The following DNAH17 variants were observed in gnomAD, a reference collection of about 807,000 sequenced individuals.
DNAH17 encodes the protein dynein axonemal heavy chain 17.
A neutral mutation model predicts 485.6 loss-of-function variants in DNAH17; 376 were observed. The observed-to-expected ratio is 0.77, with a 90% CI of 0.71 to 0.84. The LOEUF (loss-of-function observed/expected upper bound fraction) is 0.84. DNAH17 is among the 40% of genes least tolerant of loss of function. DNAH17 has a pLI of 0.00. For synonymous variants in DNAH17, 3,031 were observed against 2,405.9 expected, an observed-to-expected ratio of 1.26 and a Z score of -7.60; for missense variants, 6,370 against 5,839.3, an observed-to-expected ratio of 1.09 and a Z score of -2.96.
intron 47 of DNAH17, chr17:78,485,298 C>T (rs749766115): frequency 4.0e-5 from 25 of 618,472 alleles, no homozygotes; most frequent in South Asian, 1.4e-4. Context: ...GAGACACTCC[C>T]GGGGGACCTG....
Position 78,423,823 on chromosome 17 carries a change from T to TAA in DNAH17, c.*81_*82dup. ...AACGAAAAACCACCACCAGTTCCTG[T>TAA]AAAGAATAAGTCACAGGTGCACAGG... On this transcript the variant is annotated 3_prime_UTR_variant, in exon 81 of 81. Coordinates refer to ENST00000389840, the MANE Select transcript of DNAH17 (RefSeq NM_173628.4). 6.5e-7 allele frequency: 1 copy of TAA among 1,528,092 alleles called. No individual in the cohort carries two copies. The highest frequency in any genetic ancestry group is 8.9e-7 in the Non-Finnish European group (1 of 1,122,982). 94.7% of individuals were successfully genotyped at this position (1,528,092 alleles called of 1,614,324 possible).
At chr17:78,474,829 G>A (rs1019068529) in intron 54 of DNAH17, among the ~76,000 whole-genome samples, 15 of 151,698 alleles carry the variant, frequency 9.9e-5, no homozygotes, top group African/African-American at 3.6e-4. Flanking sequence ...CTGGCCGGAA[G>A]GTTTCACTCT....
At chr17:78,548,097 T>C (rs1038940818) in intron 16 of DNAH17, among the ~76,000 whole-genome samples, 2 of 152,220 alleles carry the variant, frequency 1.3e-5, no homozygotes. Context: ...ATTTTAATTC[T>C]GCTTTTGCAG....
chr17:78,556,167 T>A (rs914298648), intron 14 of DNAH17, among the ~76,000 whole-genome samples: 23 of 149,670 alleles, frequency 1.5e-4, no homozygotes, highest in Non-Finnish European at 4.5e-5. Flanking sequence ...TCCACCTATA[T>A]AATCTATCCA....
chr17:78,514,726 A>G (rs2090733993), intron 26 of DNAH17, 48 bp downstream of exon 26: 1 of 1,591,072 alleles, frequency 6.3e-7, no homozygotes, highest in African/African-American at 1.3e-5. Flanking sequence ...CCTGCAGCAG[A>G]GCTGGCCGCC....
chr17:78,431,325 T>C (rs2086662939), intron 75 of DNAH17, among the ~76,000 whole-genome samples: 1 of 152,212 alleles, frequency 6.6e-6, no homozygotes, highest in African/African-American at 2.4e-5. Context: ...CGTCTGTGTC[T>C]CCCGAGAGGC....
Position 78,566,720 on chromosome 17 carries a change from C to A in DNAH17, c.1463G>T (p.Arg488Leu), listed in dbSNP as rs112807670. The change falls in exon 11 of 81, where the codon CGT (arginine) becomes CTT (leucine). Residue 488 changes from arginine (R) to leucine (L), a missense_variant. Arg to Leu is a moderately radical substitution (Grantham distance 102, BLOSUM62 -2). Coordinates refer to ENST00000389840, the MANE Select transcript of DNAH17 (RefSeq NM_173628.4). ...PLDPGDSNFD[R>L]DYADFEIKIQ... ...TTTGATCTCAAAATCAGCATAATCA[C>A]GGTCAAAATTCTAAAAGCAAATGGA... 6.2e-7 allele frequency: 1 copy of A among 1,601,660 alleles called. No individual in the cohort carries two copies. The highest frequency in any genetic ancestry group is 8.5e-7 in the Non-Finnish European group (1 of 1,173,762).
intron 22 of DNAH17, among the ~76,000 whole-genome samples, chr17:78,527,421 C>T (rs920252869): frequency 3.3e-5 from 5 of 152,068 alleles, no homozygotes; most frequent in South Asian, 2.1e-4. Context: ...TCCTTAATGG[C>T]GAACTAGGAC....
chr17:78,535,607 A>G (rs529038556), intron 19 of DNAH17, among the ~76,000 whole-genome samples: 43 of 152,306 alleles, frequency 2.8e-4, no homozygotes, highest in African/African-American at 1.0e-3. Context: ...ATGTTATGAC[A>G]AATCATACGT....
intron 16 of DNAH17, among the ~76,000 whole-genome samples, chr17:78,551,049 T>A (rs867533725): frequency 3.3e-5 from 5 of 152,142 alleles, no homozygotes; most frequent in Admixed American, 2.0e-4. Context: ...TGAAACCTCA[T>A]CTCCACTAAA....
At chr17:78,433,941 G>GAGGGAGGGAAGGAGGGAGGGAAGA in intron 75 of DNAH17, 88 bp downstream of exon 75, 1 of 945,638 alleles carries the variant, frequency 1.1e-6, no homozygotes, top group Non-Finnish European at 1.5e-6. Flanking sequence ...GGGAGGGAAG[G>GAGGGAGGGAAGGAGGGAGGGAAGA]AGGGAGGGAA....
intron 37 of DNAH17, among the ~76,000 whole-genome samples, chr17:78,497,488 C>T (rs555016111): frequency 7.2e-5 from 11 of 152,274 alleles, no homozygotes; most frequent in Admixed American, 1.3e-4. Context: ...CATTGGAGCC[C>T]GTGAACATTC....
chr17:78,529,446 C>T (rs377536024), intron 22 of DNAH17, 26 bp downstream of exon 22: 124 of 1,610,082 alleles, frequency 7.7e-5, no homozygotes, highest in South Asian at 6.3e-4. Context: ...CTCACCTGGA[C>T]GCAGCCACAC....
At chr17:78,454,431 A>G (rs1298343096) in intron 64 of DNAH17, 39 bp downstream of exon 64, 2 of 1,547,326 alleles carry the variant, frequency 1.3e-6, no homozygotes, top group Non-Finnish European at 1.8e-6. Flanking sequence ...GCTTCCAAGC[A>G]GAGCCGGGCT....
intron 25 of DNAH17, among the ~76,000 whole-genome samples, chr17:78,521,075 G>C (rs1264727302): frequency 6.6e-6 from 1 of 152,166 alleles, no homozygotes; most frequent in African/African-American, 2.4e-5. Context: ...GCAGTCTAAG[G>C]TGCCCAACTG....
At chr17:78,526,223 G>A (rs896893157) in intron 24 of DNAH17, among the ~76,000 whole-genome samples, 2 of 152,236 alleles carry the variant, frequency 1.3e-5, no homozygotes, top group African/African-American at 2.4e-5. Flanking sequence ...CCTGGCTGCT[G>A]CCCGATGTGG....
chr17:78,489,210 C>T (rs146672262), intron 44 of DNAH17, among the ~76,000 whole-genome samples: 4 of 152,348 alleles, frequency 2.6e-5, no homozygotes, highest in African/African-American at 9.6e-5. Context: ...GAGGGTCTCA[C>T]TTCCCACGCA....
intron 16 of DNAH17, among the ~76,000 whole-genome samples, chr17:78,550,602 T>C (rs1159246949): frequency 1.3e-5 from 2 of 152,130 alleles, no homozygotes; most frequent in Admixed American, 1.3e-4. Context: ...ACAGCATCTA[T>C]AACTAACCAG....
At position 78,481,660 on chromosome 17, in the gene DNAH17, T is replaced by C. The variant is rs574742244; in HGVS notation, c.7650-874A>G. Among the ~76,000 whole-genome samples the C allele has an allele frequency of 6.6e-5, 10 of 152,290 alleles. No homozygotes were observed. In the South Asian group the frequency reaches 1.9e-3, roughly 28 times the overall value. On this transcript the variant is annotated intron_variant, in intron 48 of 80. Transcript: ENST00000389840. ...GGAAGAGTACCTGACATACAGTAAGTATGCAATAAATATTCACCATCCCTG... is the reference window on the plus strand; with the variant it reads ...GGAAGAGTACCTGACATACAGTAAGCATGCAATAAATATTCACCATCCCTG...
Sources: gnomAD v4.1 joint callset for allele counts (sites outside exome capture counted in the v4.1 genomes callset) on GRCh38, gnomAD v4.1.1 for gene constraint, MANE v1.5 for transcripts, NCBI Gene and HGNC (gene_info 2026-07-23, HGNC 2026-07-21) for gene names.